SRGAP3: variants seen among roughly 807,000 people sequenced by gnomAD.
SRGAP3 encodes SLIT-ROBO Rho GTPase activating protein 3.
In SRGAP3, 39 loss-of-function variants were observed where a neutral mutation model predicts 121.1. The ratio of observed to expected loss-of-function variants is 0.32; its 90% CI spans 0.25 to 0.42. The LOEUF (loss-of-function observed/expected upper bound fraction) is 0.42, where lower values mean the gene tolerates loss of function less well. SRGAP3 is among the 10% of genes least tolerant of loss of function. SRGAP3 has a pLI of 1.00. For synonymous variants in SRGAP3, 601 were observed against 570.0 expected (o/e 1.05, Z -0.77); for missense variants, 1,213 against 1,470.6 (o/e 0.82, Z 2.86).
chr3:9,310,492 G>A (rs747178265), intron 3 of SRGAP3, among the ~76,000 whole-genome samples: 4 of 151,888 alleles, frequency 2.6e-5, no homozygotes, highest in Non-Finnish European at 5.9e-5. Context: ...CCTGCAACCC[G>A]ATCAGGGCCA....
intron 3 of SRGAP3, among the ~76,000 whole-genome samples, chr3:9,082,653 G>A (rs1457056305): frequency 6.6e-6 from 1 of 152,210 alleles, no homozygotes; most frequent in Non-Finnish European, 1.5e-5. Context: ...TTGGCTCCCT[G>A]AGCAGCTGCA....
At chr3:9,067,687 C>T (rs1425371888) in intron 4 of SRGAP3, among the ~76,000 whole-genome samples, 5 of 152,176 alleles carry the variant, frequency 3.3e-5, no homozygotes, top group East Asian at 1.9e-4. Flanking sequence ...AAATAGCTAA[C>T]GCATGTGGGG....
intron 1 of SRGAP3, among the ~76,000 whole-genome samples, chr3:9,356,625 A>G (rs2030530812): frequency 6.6e-6 from 1 of 151,896 alleles, no homozygotes; most frequent in Non-Finnish European, 1.5e-5. Context: ...CGCCCGCCTC[A>G]GCCTCCCACA....
rs1352393139 is a variant in SRGAP3, at chr3:9,025,325, C to G, written c.1614G>C (p.Gln538His). 6.2e-7 allele frequency: 1 copy of G among 1,614,208 alleles called. No homozygotes were observed. The highest frequency in any genetic ancestry group is 8.5e-7 in the Non-Finnish European group (1 of 1,180,022). Reference sequence around the variant, plus strand: ...GAGATCCTGGCACTCTGAAGATCCCCTGCTGCTGGAGTCCTAAAAAAGAAA... The same window carrying G: ...GAGATCCTGGCACTCTGAAGATCCCGTGCTGCTGGAGTCCTAAAAAAGAAA... ...RYINLYGLQQ[Q>H]GIFRVPGSQV... is the part of the protein sequence containing the mutation. The change falls in exon 14 of 22, where the codon CAG becomes CAC. Residue 538 changes from glutamine (Q) to histidine (H), a missense_variant. Physicochemically the swap from Gln to His is conservative, Grantham distance 24 (BLOSUM62 0). Coordinates refer to ENST00000383836, the MANE Select transcript of SRGAP3 (RefSeq NM_014850.4).
At chr3:9,289,331 G>A (rs1954834178) in intron 3 of SRGAP3, among the ~76,000 whole-genome samples, 1 of 152,190 alleles carries the variant, frequency 6.6e-6, no homozygotes, top group African/African-American at 2.4e-5. Flanking sequence ...TCTGCTATCT[G>A]TTGTTTCTGC....
Position 9,010,363 on chromosome 3 carries a change from C to T in SRGAP3, c.2172G>A (p.Gly724=). The T allele has an allele frequency of 6.2e-7, 1 of 1,614,050 alleles. No homozygotes were observed. The highest frequency in any genetic ancestry group is 1.3e-5 in the African/African-American group (1 of 74,990). Residue 724 remains glycine (G), a synonymous_variant, in exon 18 of 22, where the codon GGG becomes GGA. Coordinates refer to ENST00000383836, the MANE Select transcript of SRGAP3 (RefSeq NM_014850.4). ...EYCDSPHSEP[G]AIDEVDHDNG... The stretch of plus-strand genomic sequence containing the variant: ...TGTCATGGTCAACTTCATCGATGGC[C>T]CCTGGCTCGCTGTGTGGGCTGTCAC...
At chr3:9,318,469 G>A (rs781137298) in intron 3 of SRGAP3, among the ~76,000 whole-genome samples, 5 of 151,834 alleles carry the variant, frequency 3.3e-5, no homozygotes, top group African/African-American at 7.2e-5. Flanking sequence ...TCTGCCCAGA[G>A]CAGTGGAATG....
At chr3:9,163,589 G>A (rs931144955) in intron 1 of SRGAP3, among the ~76,000 whole-genome samples, 2 of 152,220 alleles carry the variant, frequency 1.3e-5, no homozygotes, top group African/African-American at 4.8e-5. Context: ...CAAAGCAGAG[G>A]GGGCAGGGGA....
At chr3:9,090,544 A>G (rs748855575) in intron 3 of SRGAP3, among the ~76,000 whole-genome samples, 1 of 152,198 alleles carries the variant, frequency 6.6e-6, no homozygotes, top group Non-Finnish European at 1.5e-5. Flanking sequence ...TTTGTTTTCA[A>G]TGCAGGGATC....
chr3:9,342,817 G>A (rs920558574), intron 1 of SRGAP3, among the ~76,000 whole-genome samples: 9 of 152,222 alleles, frequency 5.9e-5, no homozygotes, highest in African/African-American at 2.2e-4. Flanking sequence ...TGAGGAGGCA[G>A]AAGAACCTCC....
At chr3:8,987,493 C>G (rs1574849757) in intron 21 of SRGAP3, among the ~76,000 whole-genome samples, 1 of 152,212 alleles carries the variant, frequency 6.6e-6, no homozygotes, top group South Asian at 2.1e-4. Flanking sequence ...CTGGGGCCGG[C>G]CCCTTTCTGC....
chr3:8,990,599 T>C lies in SRGAP3; in HGVS notation c.2799A>G (p.Glu933=). 1 of 1,607,084 alleles carries C rather than the reference T, an allele frequency of 6.2e-7. No individual in the cohort carries two copies. Among genetic ancestry groups the C allele is most frequent in the South Asian group, 1.1e-5 (1 of 89,760 alleles). ...CGCAGGTCGACCTCATCGAGTGCCC[T>C]TCGGAGAGCGCCTTCTTGTCAGGGT... ...INYPDKKALS[E]GHSMRSTCGS... is the part of the protein sequence containing the mutation. Residue 933 remains glutamate (E), a synonymous_variant, in exon 21 of 22, where the codon GAA becomes GAG. Coordinates refer to ENST00000383836, the MANE Select transcript of SRGAP3 (RefSeq NM_014850.4).
At chr3:9,086,418 G>A (rs1239406568) in intron 3 of SRGAP3, among the ~76,000 whole-genome samples, 1 of 151,532 alleles carries the variant, frequency 6.6e-6, no homozygotes, top group Non-Finnish European at 1.5e-5. Flanking sequence ...CCCAAGGGAG[G>A]CTGAGTTGGG....
intron 9 of SRGAP3, 147 bp from the exon 10 acceptor site, chr3:9,047,622 G>A (rs1490148228): frequency 3.9e-6 from 3 of 770,074 alleles, no homozygotes; most frequent in Non-Finnish European, 6.7e-6. Context: ...AGAGGCCTCT[G>A]CATCTGCGTC....
chr3:9,122,380 A>C (rs1949040077), intron 2 of SRGAP3, among the ~76,000 whole-genome samples: 1 of 152,154 alleles, frequency 6.6e-6, no homozygotes, highest in South Asian at 2.1e-4. Context: ...GAATGTTATT[A>C]ATAGAGGCTT....
chr3:9,027,652 C>G (rs996888935), intron 12 of SRGAP3, among the ~76,000 whole-genome samples: 21 of 152,220 alleles, frequency 1.4e-4, no homozygotes, highest in African/African-American at 4.6e-4. Flanking sequence ...AGATGCAATT[C>G]TCAACACAGG....
chr3:9,091,775 G>A (rs546871568), intron 3 of SRGAP3, among the ~76,000 whole-genome samples: 7 of 152,130 alleles, frequency 4.6e-5, no homozygotes, highest in East Asian at 1.9e-4. Context: ...CTCCTTAGCC[G>A]GGTTCCTGCC....
Position 9,266,287 on chromosome 3 carries a change from G to A in SRGAP3, n.442+59723C>T, listed in dbSNP as rs570334636. 2.0e-5 allele frequency among the ~76,000 whole-genome samples: 3 copies of A among 152,102 alleles called. No individual in the cohort carries two copies. The South Asian group carries it at 6.2e-4, about 32-fold the overall frequency. On this transcript the variant is annotated intron_variant and non_coding_transcript_variant, in intron 3 of 3. Transcript: ENST00000490889. Reference sequence around the variant, plus strand: ...ACCTAATGTAGATGACAGGTTGACAGGTGCAGCAAACCACCATGGCACATG... The same window carrying A: ...ACCTAATGTAGATGACAGGTTGACAAGTGCAGCAAACCACCATGGCACATG...
Position 8,985,804 on chromosome 3 carries a change from G to C in SRGAP3, c.3015C>G (p.Val1005=). The C allele has an allele frequency of 1.2e-6, 2 of 1,600,442 alleles. No homozygotes were observed. Among genetic ancestry groups the C allele is most frequent in the African/African-American group, 2.7e-5 (2 of 75,022 alleles). ...GAAGGGGACTGGCGGGCTCCGAGCT[G>C]ACGGGGCCTGGCGGGTTCTTCAGGG... ...LEPLKNPPGP[V]SSEPASPLHT... Residue 1005 remains valine, a synonymous_variant, in exon 22 of 22, where the codon GTC becomes GTG. Transcript: ENST00000383836. The surrounding 1 kb of genome is among the most constrained non-coding windows in gnomAD (Gnocchi z 5.1).
Sources: gnomAD v4.1 joint callset for allele counts (sites outside exome capture counted in the v4.1 genomes callset) on GRCh38, gnomAD v4.1.1 for gene constraint, Gnocchi (gnomAD v3.1) non-coding constraint, MANE v1.5 for transcripts, NCBI Gene and HGNC (gene_info 2026-07-23, HGNC 2026-07-21) for gene names.